Variants in GRIP1 observed in about 807,000 individuals in gnomAD.
GRIP1 encodes the protein glutamate receptor interacting protein 1.
In GRIP1, 45 loss-of-function variants were observed where a neutral mutation model predicts 129.9. The observed-to-expected ratio is 0.35, with a 90% CI of 0.27 to 0.44. The LOEUF (loss-of-function observed/expected upper bound fraction) is 0.44, where lower values mean the gene tolerates loss of function less well. Ranked by LOEUF, GRIP1 falls within the 20% of genes least tolerant of loss-of-function variation. The pLI, the probability that GRIP1 is intolerant of heterozygous loss-of-function variation, is 1.00. For synonymous variants in GRIP1, 530 were observed against 520.8 expected (o/e 1.02, Z -0.24); for missense variants, 1,196 against 1,396.8 (o/e 0.86, Z 2.29).
At chr12:66,521,723 G>T (rs1040443157) in intron 5 of GRIP1, among the ~76,000 whole-genome samples, 1 of 152,230 alleles carries the variant, frequency 6.6e-6, no homozygotes, top group Non-Finnish European at 1.5e-5. Context: ...CTCGGGAAGT[G>T]CAAGGGGTCA....
At chr12:66,683,676 T>C (rs957431921), upstream of GRIP1, among the ~76,000 whole-genome samples, 3 of 152,178 alleles carry the variant, frequency 2.0e-5, no homozygotes, top group Middle Eastern at 3.2e-3. Context: ...TTTGCTTATC[T>C]AGGCAGGGCT....
chr12:66,602,396 G>A (rs1036874815), intron 1 of GRIP1, among the ~76,000 whole-genome samples: 3 of 151,868 alleles, frequency 2.0e-5, no homozygotes, highest in African/African-American at 2.4e-5. Context: ...CGGGGGCCCC[G>A]CATAATTTAA....
At chr12:66,386,462 A>G (rs2137452758) in intron 19 of GRIP1, among the ~76,000 whole-genome samples, 1 of 152,072 alleles carries the variant, frequency 6.6e-6, no homozygotes, top group African/African-American at 2.4e-5. Flanking sequence ...GTGAAACCCC[A>G]TCTCTACTAA....
chr12:66,837,595 T>C (rs1238975613), intron 1 of GRIP1, among the ~76,000 whole-genome samples: 3 of 152,212 alleles, frequency 2.0e-5, no homozygotes, highest in South Asian at 2.1e-4. Flanking sequence ...ATTTATATTT[T>C]ACCTTGCAAG....
intron 14 of GRIP1, among the ~76,000 whole-genome samples, chr12:66,431,020 G>A (rs374692796): frequency 6.6e-6 from 1 of 152,116 alleles, no homozygotes; most frequent in Non-Finnish European, 1.5e-5. Flanking sequence ...ACTCCAAGAC[G>A]CACCACTCCC....
intron 1 of GRIP1, among the ~76,000 whole-genome samples, chr12:66,857,933 G>A (rs531409873): frequency 1.3e-5 from 2 of 152,072 alleles, no homozygotes; most frequent in African/African-American, 4.8e-5. Context: ...TATTAATGTC[G>A]AGCACAGAAG....
intron 16 of GRIP1, among the ~76,000 whole-genome samples, chr12:66,399,345 A>G (rs1184483915): frequency 1.3e-5 from 2 of 151,846 alleles, no homozygotes; most frequent in African/African-American, 4.9e-5. Flanking sequence ...TACTCAGACT[A>G]TTTTGGAGAT....
chr12:66,974,490 T>C (rs923680994), intron 1 of GRIP1, among the ~76,000 whole-genome samples: 4 of 152,208 alleles, frequency 2.6e-5, no homozygotes, highest in African/African-American at 9.6e-5. Flanking sequence ...GTAGTTGTTG[T>C]ATAAACTGCA....
At position 66,371,820 on chromosome 12, in the gene GRIP1, C is replaced by A. The variant is rs375330927; in HGVS notation, c.2886G>T (p.Pro962=). Residue 962 remains proline (P), a synonymous_variant, in exon 23 of 25, where the codon CCG becomes CCT. Transcript: ENST00000359742. ...TGCTCCGAGTTGTTTGGCTGTAGTGCGGCCGCGAGCTGCTGCGCTCCTGGA... is the reference window on the plus strand; with the variant it reads ...TGCTCCGAGTTGTTTGGCTGTAGTGAGGCCGCGAGCTGCTGCGCTCCTGGA... ...ASFQERSSSR[P]HYSQTTRSNT... The A allele has an allele frequency of 3.7e-6, 6 of 1,613,746 alleles. No homozygotes were observed. The highest frequency in any genetic ancestry group is 1.7e-4 in the Middle Eastern group (1 of 6,040).
intron 1 of GRIP1, among the ~76,000 whole-genome samples, chr12:66,876,727 T>A (rs1289063628): frequency 6.6e-6 from 1 of 152,132 alleles, no homozygotes; most frequent in East Asian, 1.9e-4. Context: ...GAGCAATGTG[T>A]CCATTTATGG....
chr12:66,992,555 T>A (rs576142867), intron 1 of GRIP1, among the ~76,000 whole-genome samples: 2 of 152,140 alleles, frequency 1.3e-5, no homozygotes. Flanking sequence ...TGCTATCAAC[T>A]AACTAGACCT....
At chr12:66,931,348 G>A (rs894630641) in intron 1 of GRIP1, among the ~76,000 whole-genome samples, 60 of 152,160 alleles carry the variant, frequency 3.9e-4, no homozygotes, top group Non-Finnish European at 6.3e-4. Flanking sequence ...TGAACACTGC[G>A]TGATTAGGAG....
intron 14 of GRIP1, among the ~76,000 whole-genome samples, chr12:66,430,913 G>A (rs1310140860): frequency 6.6e-6 from 1 of 152,120 alleles, no homozygotes; most frequent in Non-Finnish European, 1.5e-5. Context: ...GAGCATGGTG[G>A]ACACTCAGAA....
chr12:66,977,807 ATTTTT>A (rs200381983), intron 1 of GRIP1, among the ~76,000 whole-genome samples: 9 of 60,250 alleles, frequency 1.5e-4, no homozygotes, highest in African/African-American at 5.6e-4. Flanking sequence ...AGAGCTGAGC[ATTTTT>A]TTTTTTTTTT....
At chr12:66,653,208 A>C (rs1199460684) in intron 1 of GRIP1, among the ~76,000 whole-genome samples, 2 of 152,208 alleles carry the variant, frequency 1.3e-5, no homozygotes, top group Non-Finnish European at 2.9e-5. Flanking sequence ...TTAAAATAAA[A>C]AAAAACCTCT....
At chr12:66,956,125 CT>C (rs1444490570) in intron 1 of GRIP1, among the ~76,000 whole-genome samples, 5 of 152,102 alleles carry the variant, frequency 3.3e-5, no homozygotes, top group Non-Finnish European at 7.4e-5. Flanking sequence ...CCAAACTCGG[CT>C]TTTTTTGGGT....
At chr12:66,369,773 G>C (rs979593455) in intron 23 of GRIP1, among the ~76,000 whole-genome samples, 1 of 152,146 alleles carries the variant, frequency 6.6e-6, no homozygotes, top group East Asian at 1.9e-4. Context: ...CGTCTTCTTG[G>C]TACAGCAGAC....
At chr12:67,020,543 G>A (rs975291038) in intron 1 of GRIP1, among the ~76,000 whole-genome samples, 1 of 152,024 alleles carries the variant, frequency 6.6e-6, no homozygotes, top group African/African-American at 2.4e-5. Flanking sequence ...GAGCAGCTGG[G>A]ACTAAAGGTA....
intron 1 of GRIP1, among the ~76,000 whole-genome samples, chr12:66,669,152 C>T (rs1366206132): frequency 6.6e-6 from 1 of 152,144 alleles, no homozygotes; most frequent in Admixed American, 6.5e-5. Flanking sequence ...GTGGCTCACA[C>T]CTGTAATCCC....
Sources: gnomAD v4.1 joint callset for allele counts (sites outside exome capture counted in the v4.1 genomes callset) on GRCh38, gnomAD v4.1.1 for gene constraint, MANE v1.5 for transcripts, NCBI Gene and HGNC (gene_info 2026-07-23, HGNC 2026-07-21) for gene names.